The following LPA variants were observed in gnomAD, a reference collection of about 807,000 sequenced individuals.
LPA encodes the protein lipoprotein(a).
Under a neutral mutation model 197.9 loss-of-function variants are expected in LPA, and 199 were observed. The ratio of observed to expected loss-of-function variants is 1.01; its 90% CI spans 0.90 to 1.13. The LOEUF (loss-of-function observed/expected upper bound fraction) is 1.13. Ranked by LOEUF, LPA falls within the 50% of genes most tolerant of loss-of-function variation. The pLI is 0.00. For missense variants in LPA, 1,853 were observed against 1,785.8 expected (o/e 1.04, Z -0.68); for synonymous variants, 715 against 639.5 (o/e 1.12, Z -1.78).
chr6:160,647,016 A>G (rs776139470), intron 2 of LPA, among the ~76,000 whole-genome samples: 2 of 152,080 alleles, frequency 1.3e-5, no homozygotes, highest in East Asian at 1.9e-4. Context: ...CATGTCGGTC[A>G]AGTAGGTTTG....
intron 18 of LPA, among the ~76,000 whole-genome samples, chr6:160,604,220 G>A (rs1286444340): frequency 2.6e-5 from 4 of 152,092 alleles, no homozygotes; most frequent in Non-Finnish European, 2.9e-5. Context: ...CTGCATTCAG[G>A]AAGATGGCTA....
chr6:160,610,853 G>C (rs1054427523), intron 16 of LPA, among the ~76,000 whole-genome samples: 1 of 152,074 alleles, frequency 6.6e-6, no homozygotes, highest in African/African-American at 2.4e-5. Flanking sequence ...AATTCTCTAG[G>C]TCCTCTACCA....
At chr6:160,536,161 G>A (rs1339242973) in intron 37 of LPA, among the ~76,000 whole-genome samples, 3 of 152,018 alleles carry the variant, frequency 2.0e-5, no homozygotes, top group South Asian at 2.1e-4. Flanking sequence ...ATTCTTTCCC[G>A]GTACAGCCAC....
chr6:160,532,775 C>T (rs1466239335), intron 37 of LPA, 126 bp from the exon 38 acceptor site: 1 of 736,890 alleles, frequency 1.4e-6, no homozygotes, highest in Non-Finnish European at 2.5e-6. Context: ...CACAAGGCAG[C>T]TCCCAATGCC....
chr6:160,574,421 G>A (rs1232058528), intron 28 of LPA, among the ~76,000 whole-genome samples: 1 of 152,096 alleles, frequency 6.6e-6, no homozygotes, highest in Non-Finnish European at 1.5e-5. Context: ...TGGCCAGGAG[G>A]CTTCTCCCCC....
intron 1 of LPA, among the ~76,000 whole-genome samples, chr6:160,653,828 C>T (rs1261611652): frequency 7.0e-6 from 1 of 142,942 alleles, no homozygotes; most frequent in African/African-American, 2.6e-5. Flanking sequence ...AGGTTTTATT[C>T]CTGGGATATA....
At chr6:160,582,393 G>C (rs530056271) in intron 26 of LPA, among the ~76,000 whole-genome samples, 1 of 151,840 alleles carries the variant, frequency 6.6e-6, no homozygotes, top group Non-Finnish European at 1.5e-5. Flanking sequence ...CTCTAAAGGT[G>C]TTATTCCATT....
intron 32 of LPA, among the ~76,000 whole-genome samples, chr6:160,546,895 A>G (rs1778080350): frequency 6.6e-6 from 1 of 152,210 alleles, no homozygotes; most frequent in South Asian, 2.1e-4. Context: ...CATGAGGCTA[A>G]GGGAAGTCTC....
chr6:160,597,337 T>C (rs1184690371), intron 20 of LPA, among the ~76,000 whole-genome samples: 1 of 152,210 alleles, frequency 6.6e-6, no homozygotes, highest in Admixed American at 6.5e-5. Flanking sequence ...AGTTTTTCAA[T>C]CATACATCAC....
chr6:160,599,129 G>A (rs775339733), intron 20 of LPA, among the ~76,000 whole-genome samples: 2 of 152,126 alleles, frequency 1.3e-5, no homozygotes, highest in Non-Finnish European at 2.9e-5. Flanking sequence ...GGATCACGAG[G>A]TCAGGAGACC....
chr6:160,539,948 T>A, intron 36 of LPA, 95 bp downstream of exon 36: 1 of 1,561,130 alleles, frequency 6.4e-7, no homozygotes, highest in Non-Finnish European at 8.8e-7. Context: ...AGACAGTTCC[T>A]CCCCACTGCC....
chr6:160,564,214 T>C (rs771840826), intron 28 of LPA, among the ~76,000 whole-genome samples: 8 of 152,228 alleles, frequency 5.3e-5, no homozygotes, highest in Non-Finnish European at 7.3e-5. Context: ...GGTTTTTCCT[T>C]TCCATATTTA....
In LPA at chr6:160,577,359, T is replaced by C. The variant is rs1583591648; in HGVS notation, c.4472-64A>G. 8.8e-6 allele frequency: 13 copies of C among 1,471,904 alleles called. No individual in the cohort carries two copies. In the East Asian group the frequency reaches 2.7e-4, roughly 31 times the overall value. 91.2% of individuals were successfully genotyped at this position (1,471,904 alleles called of 1,614,324 possible). On this transcript the variant is annotated intron_variant, in intron 27 of 38. Coordinates refer to ENST00000316300, the MANE Select transcript of LPA (RefSeq NM_005577.4). Reference sequence around the variant, plus strand: ...ATGAGCAGAGAAACATGGGAGACAATTTATGTCACATACTGGACAGTAGCC... The same window carrying C: ...ATGAGCAGAGAAACATGGGAGACAACTTATGTCACATACTGGACAGTAGCC...
chr6:160,553,454 T>C (rs1292465306), intron 30 of LPA, among the ~76,000 whole-genome samples: 1 of 152,176 alleles, frequency 6.6e-6, no homozygotes, highest in African/African-American at 2.4e-5. Context: ...TTTAAAGGGT[T>C]TTTTTGTTTA....
At chr6:160,590,064 G>A (rs1363614945) in intron 23 of LPA, among the ~76,000 whole-genome samples, 1 of 152,178 alleles carries the variant, frequency 6.6e-6, no homozygotes, top group African/African-American at 2.4e-5. Context: ...GGTGCAGGCT[G>A]TAGGTGGTGG....
chr6:160,597,049 A>G (rs1392595968), intron 20 of LPA, among the ~76,000 whole-genome samples: 1 of 152,216 alleles, frequency 6.6e-6, no homozygotes, highest in Non-Finnish European at 1.5e-5. Context: ...CACACTCTGT[A>G]TGACTTTAAT....
At position 160,591,309 on chromosome 6, in the gene LPA, C is replaced by A. The variant is rs117942951; in HGVS notation, c.3630-208G>T. 9.5e-4 allele frequency among the ~76,000 whole-genome samples: 144 copies of A among 152,300 alleles called. 4 individuals carry two copies. The East Asian group carries it at 0.017, about 18-fold the overall frequency. On this transcript the variant is annotated intron_variant, in intron 22 of 38. Coordinates refer to ENST00000316300, the MANE Select transcript of LPA (RefSeq NM_005577.4). ...ATTATCATTCTTATTGTAACACATC[C>A]AAACTCGTCTATACTCCATAAGAAA...
At chr6:160,586,351 T>C (rs1400816425) in intron 25 of LPA, 98 bp downstream of exon 25, 1 of 1,428,018 alleles carries the variant, frequency 7.0e-7, no homozygotes, top group African/African-American at 1.4e-5. Context: ...CACCTTCGAC[T>C]TCCTGTGCAG....
At chr6:160,607,200 G>A (rs1196282301) in intron 16 of LPA, among the ~76,000 whole-genome samples, 1 of 151,958 alleles carries the variant, frequency 6.6e-6, no homozygotes, top group Non-Finnish European at 1.5e-5. Context: ...TCGCGAAAAG[G>A]CTCTACTTTT....
Sources: allele counts gnomAD v4.1 joint callset (sites outside exome capture counted in the v4.1 genomes callset), GRCh38; gene constraint gnomAD v4.1.1; transcripts MANE v1.5; gene names NCBI Gene and HGNC (gene_info 2026-07-23, HGNC 2026-07-21).